The following MICU1 variants were observed in gnomAD, a reference collection of about 807,000 sequenced individuals.
MICU1 encodes mitochondrial calcium uptake 1, also known as calcium uptake protein 1, mitochondrial.
MICU1 carries 45 observed loss-of-function variants against 56.8 expected under a neutral mutation model. The observed-to-expected ratio is 0.79, with a 90% confidence interval of 0.62 to 1.02. The LOEUF (loss-of-function observed/expected upper bound fraction) is 1.02. MICU1 is among the 50% of genes least tolerant of loss of function. The pLI, the probability that MICU1 is intolerant of heterozygous loss-of-function variation, is 0.00. For missense variants in MICU1, 504 were observed against 587.1 expected, an observed-to-expected ratio of 0.86 and a Z score of 1.46; for synonymous variants, 186 against 195.1, an observed-to-expected ratio of 0.95 and a Z score of 0.39.
intron 8 of MICU1, among the ~76,000 whole-genome samples, chr10:72,444,072 G>C (rs1865026611): frequency 6.6e-6 from 1 of 151,996 alleles, no homozygotes; most frequent in African/African-American, 2.4e-5. Context: ...GTCCTTTGTA[G>C]GGACATGGAT....
intron 9 of MICU1, among the ~76,000 whole-genome samples, chr10:72,418,447 A>G (rs533114049): frequency 3.9e-5 from 6 of 152,302 alleles, no homozygotes; most frequent in African/African-American, 1.2e-4. Context: ...TCTTAAGGAA[A>G]AGACAAGATC....
At chr10:72,376,593 G>A (rs956902938) in intron 10 of MICU1, among the ~76,000 whole-genome samples, 16 of 152,114 alleles carry the variant, frequency 1.1e-4, no homozygotes, top group Admixed American at 6.6e-5. Context: ...CTGAGATGGC[G>A]CCACTGTACT....
chr10:72,454,514 G>T (rs1221134326), intron 8 of MICU1, among the ~76,000 whole-genome samples: 1 of 150,936 alleles, frequency 6.6e-6, no homozygotes, highest in Non-Finnish European at 1.5e-5. Flanking sequence ...CAGGCACGGT[G>T]GCTCATGCCT....
intron 6 of MICU1, among the ~76,000 whole-genome samples, chr10:72,484,051 A>G (rs1242773580): frequency 6.6e-6 from 1 of 152,220 alleles, no homozygotes; most frequent in Non-Finnish European, 1.5e-5. Flanking sequence ...TGCTTAAACA[A>G]GAGTAAATTA....
chr10:72,381,000 C>A (rs749965910), intron 10 of MICU1, among the ~76,000 whole-genome samples: 1 of 152,088 alleles, frequency 6.6e-6, no homozygotes, highest in Non-Finnish European at 1.5e-5. Flanking sequence ...GAACTCATAC[C>A]GACAATTTTA....
chr10:72,543,864 A>G (rs1359648255), intron 4 of MICU1, among the ~76,000 whole-genome samples: 1 of 151,844 alleles, frequency 6.6e-6, no homozygotes. Context: ...AAAAAAAAGG[A>G]TACTTAGGGT....
chr10:72,603,048 G>C (rs1841584450), intron 1 of MICU1, among the ~76,000 whole-genome samples: 2 of 152,086 alleles, frequency 1.3e-5, no homozygotes. Context: ...CCAGAAGTCA[G>C]AGCAAATGAG....
At chr10:72,607,405 C>A (rs777893574) in intron 1 of MICU1, among the ~76,000 whole-genome samples, 6 of 150,104 alleles carry the variant, frequency 4.0e-5, no homozygotes, top group Middle Eastern at 3.2e-3. Context: ...CTTGGGGAGG[C>A]TGAGGCAGGT....
At chr10:72,473,685 G>T (rs1866016533) in intron 8 of MICU1, among the ~76,000 whole-genome samples, 1 of 152,124 alleles carries the variant, frequency 6.6e-6, no homozygotes, top group South Asian at 2.1e-4. Flanking sequence ...ACAGACAGGG[G>T]ACTCCGCACA....
At chr10:72,512,313 T>C (rs894442205) in intron 5 of MICU1, among the ~76,000 whole-genome samples, 2 of 151,972 alleles carry the variant, frequency 1.3e-5, no homozygotes, top group Non-Finnish European at 2.9e-5. Context: ...TTTCACCATA[T>C]TGGCCAGATG....
At chr10:72,439,471 T>C (rs1864847877) in intron 8 of MICU1, among the ~76,000 whole-genome samples, 3 of 152,130 alleles carry the variant, frequency 2.0e-5, no homozygotes, top group Admixed American at 2.0e-4. Flanking sequence ...ACTGGAAGCA[T>C]TCCCTTTGAA....
chr10:72,583,953 T>G (rs1213107741), intron 1 of MICU1, among the ~76,000 whole-genome samples: 1 of 152,232 alleles, frequency 6.6e-6, no homozygotes, highest in Non-Finnish European at 1.5e-5. Context: ...TATCTTCCAA[T>G]AGCAGAGAAA....
intron 5 of MICU1, among the ~76,000 whole-genome samples, chr10:72,513,226 T>A (rs142468738): frequency 6.6e-6 from 1 of 152,310 alleles, no homozygotes; most frequent in East Asian, 1.9e-4. Context: ...CTTCCTCTTC[T>A]TCTTTAAAAA....
intron 1 of MICU1, among the ~76,000 whole-genome samples, chr10:72,606,526 T>A (rs1033542330): frequency 1.3e-4 from 20 of 150,486 alleles, no homozygotes; most frequent in Non-Finnish European, 2.2e-4. Flanking sequence ...AAAAAAAAAT[T>A]TTTTTTTAAG....
At chr10:72,500,327 T>C (rs1184111161) in intron 6 of MICU1, among the ~76,000 whole-genome samples, 10 of 68,354 alleles carry the variant, frequency 1.5e-4, no homozygotes, top group African/African-American at 5.7e-4. Context: ...TTTTTTTTTT[T>C]TTTTTTGAGA....
chr10:72,403,621 T>C (rs1289332519), intron 10 of MICU1, among the ~76,000 whole-genome samples: 1 of 142,796 alleles, frequency 7.0e-6, no homozygotes, highest in Non-Finnish European at 1.5e-5. Context: ...AAATATTACA[T>C]ACCAAAATTG....
At chr10:72,388,679 T>C (rs1862970279) in intron 10 of MICU1, among the ~76,000 whole-genome samples, 2 of 152,190 alleles carry the variant, frequency 1.3e-5, no homozygotes, top group Non-Finnish European at 2.9e-5. Flanking sequence ...AATGGTCAAC[T>C]CTTAGCCAAA....
chr10:72,373,820 G>A (rs189888104), intron 11 of MICU1, among the ~76,000 whole-genome samples: 21 of 152,294 alleles, frequency 1.4e-4, no homozygotes, highest in African/African-American at 4.3e-4. Flanking sequence ...AGTGATTGGA[G>A]TGAAAACAAA....
chr10:72,623,569 T>C (rs1394114568), intron 1 of MICU1, among the ~76,000 whole-genome samples: 1 of 151,996 alleles, frequency 6.6e-6, no homozygotes, highest in South Asian at 2.1e-4. Flanking sequence ...CCAGGTGTGG[T>C]GGCTCAGGCC....
Sources: gnomAD v4.1 joint callset for allele counts (sites outside exome capture counted in the v4.1 genomes callset) on GRCh38, gnomAD v4.1.1 for gene constraint, MANE v1.5 for transcripts, NCBI Gene and HGNC (gene_info 2026-07-23, HGNC 2026-07-21) for gene names.